The following ATRX variants were observed in gnomAD, a reference collection of about 807,000 sequenced individuals.
ATRX encodes the protein ATRX chromatin remodeler.
ATRX carries 12 observed loss-of-function variants against 172.6 expected under a neutral mutation model. The ratio of observed to expected loss-of-function variants is 0.07; its 90% CI spans 0.04 to 0.11. The LOEUF (loss-of-function observed/expected upper bound fraction) is 0.11, where lower values mean the gene tolerates loss of function less well. Among genes scored for constraint, ATRX ranks in the 10% least tolerant of loss-of-function variants. The pLI is 1.00. For missense variants in ATRX, 1,368 were observed against 1,767.4 expected (o/e 0.77, Z 4.05); for synonymous variants, 674 against 594.7 (o/e 1.13, Z -1.94).
At chrX:77,662,247 G>A (rs1376582856) in intron 12 of ATRX, among the ~76,000 whole-genome samples, 2 of 111,307 alleles carry the variant, frequency 1.8e-5, no homozygotes, top group African/African-American at 6.5e-5. Flanking sequence ...TTACCTATCA[G>A]AATCACTGAG....
chrX:77,582,424 AAAG>A (rs1285250287), intron 27 of ATRX, among the ~76,000 whole-genome samples: 1 of 111,119 alleles, frequency 9.0e-6, no homozygotes, highest in Non-Finnish European at 1.9e-5. Context: ...AAAAAACAAA[AAAG>A]AAGAGAAGAG....
At chrX:77,667,293 ATATG>A (rs1190772653) in intron 10 of ATRX, among the ~76,000 whole-genome samples, 3 of 60,563 alleles carry the variant, frequency 5.0e-5, no homozygotes, top group Admixed American at 2.4e-4. Context: ...GGACGAATAA[ATATG>A]TGTGTGTGTG....
At chrX:77,692,850 T>A (rs1162726659) in intron 6 of ATRX, among the ~76,000 whole-genome samples, 8 of 66,980 alleles carry the variant, frequency 1.2e-4, no homozygotes, top group Admixed American at 5.7e-4. Flanking sequence ...TATTAGAGTG[T>A]GTGTGTGTGT....
At chrX:77,666,879 G>A (rs782490894) in intron 10 of ATRX, among the ~76,000 whole-genome samples, 1 of 111,679 alleles carries the variant, frequency 9.0e-6, no homozygotes, top group South Asian at 3.7e-4. Flanking sequence ...ATTCATGTAT[G>A]TTTATTATAA....
chrX:77,707,034 A>T (rs2072865666), intron 2 of ATRX, among the ~76,000 whole-genome samples: 1 of 113,058 alleles, frequency 8.8e-6, no homozygotes, highest in African/African-American at 3.2e-5. Context: ...AATGGTATTC[A>T]GACTTCAAAA....
intron 34 of ATRX, among the ~76,000 whole-genome samples, chrX:77,512,772 G>A (rs1259152905): frequency 1.8e-5 from 2 of 111,088 alleles, no homozygotes; most frequent in East Asian, 5.6e-4. Flanking sequence ...AGGAGGCTGA[G>A]GCAGGAGAAT....
chrX:77,780,240 C>T (rs1343686398), intron 1 of ATRX, among the ~76,000 whole-genome samples: 4 of 111,663 alleles, frequency 3.6e-5, no homozygotes, highest in African/African-American at 1.3e-4. Context: ...AATAAAGAAA[C>T]TTTATCTCAC....
rs1019978135 is a variant in ATRX at position 77,694,081 on chromosome X, G to A, written c.371-144C>T. On this transcript the variant is annotated intron_variant, in intron 5 of 34. Transcript: ENST00000373344. ...ATATTGGTGTAAGGACCTCACAAAA[G>A]TAAATAAAACAGGGAAATAGTAAAA... 5.7e-5 allele frequency: 27 copies of A among 472,595 alleles called. No homozygotes were observed. The Admixed American group carries it at 9.2e-4, about 16-fold the overall frequency. 38.9% of individuals were successfully genotyped at this position (472,595 alleles called of 1,213,427 possible).
At chrX:77,755,650 T>G (rs2075463955) in intron 1 of ATRX, among the ~76,000 whole-genome samples, 1 of 112,085 alleles carries the variant, frequency 8.9e-6, no homozygotes, top group African/African-American at 3.2e-5. Flanking sequence ...TGCCTGGGTA[T>G]CACCAGCGGA....
intron 1 of ATRX, among the ~76,000 whole-genome samples, chrX:77,758,754 T>C (rs1557191515): frequency 9.4e-6 from 1 of 106,579 alleles, no homozygotes; most frequent in African/African-American, 3.4e-5. Context: ...CGAGATTCCA[T>C]CTCAAAAAAA....
chrX:77,521,030 T>C (rs998066568), intron 33 of ATRX, 114 bp from the exon 34 acceptor site: 1 of 807,620 alleles, frequency 1.2e-6, no homozygotes, highest in Non-Finnish European at 1.8e-6. Context: ...TTTTCCTTTA[T>C]TCTTTTCTGA....
intron 30 of ATRX, among the ~76,000 whole-genome samples, chrX:77,554,197 C>T (rs1027783581): frequency 1.8e-5 from 2 of 110,519 alleles, no homozygotes; most frequent in African/African-American, 6.6e-5. Flanking sequence ...CTCAGCTACT[C>T]GGGAAGCCGA....
At position 77,633,549 on chromosome X, in the gene ATRX, C is replaced by T. The variant is rs2148340645; in HGVS notation, c.4956+17G>A. 1 of 1,195,173 alleles carries T rather than the reference C, an allele frequency of 8.4e-7. No homozygotes were observed. Among genetic ancestry groups the T allele is most frequent in the South Asian group, 1.8e-5 (1 of 55,097 alleles). On this transcript the variant is annotated intron_variant, in intron 18 of 34. Coordinates refer to ENST00000373344, the MANE Select transcript of ATRX (RefSeq NM_000489.6). ...ATGTGACTATTTTAATAATAGAAAA[C>T]ATTTAAAATAAGTTACCTCAAGCTT... is the stretch of plus-strand genomic sequence containing the variant.
At chrX:77,771,143 C>T (rs1445192222) in intron 1 of ATRX, among the ~76,000 whole-genome samples, 2 of 110,954 alleles carry the variant, frequency 1.8e-5, no homozygotes, top group East Asian at 2.8e-4. Context: ...TTTGGGAGGC[C>T]GAGGCTGGCG....
chrX:77,542,872 A>G lies in ATRX; in HGVS notation c.6699+14579T>C, dbSNP rs782586843. 1.5e-4 allele frequency among the ~76,000 whole-genome samples: 17 copies of G among 112,322 alleles called. No homozygotes were observed. In the East Asian group the frequency reaches 3.0e-3, roughly 20 times the overall value. On this transcript the variant is annotated intron_variant, in intron 30 of 34. Coordinates refer to ENST00000373344, the MANE Select transcript of ATRX (RefSeq NM_000489.6). ...CCTAAAACCATAAAAATCCTAGAAG[A>G]AAACCTAGGCAATACCATTCAGGAC...
intron 15 of ATRX, among the ~76,000 whole-genome samples, chrX:77,637,622 T>C (rs1475306010): frequency 1.8e-5 from 2 of 108,629 alleles, no homozygotes; most frequent in African/African-American, 3.4e-5. Context: ...GAAAAAAAAA[T>C]AGAAACTCGT....
chrX:77,730,229 T>C (rs1450879460), intron 1 of ATRX, among the ~76,000 whole-genome samples: 1 of 111,627 alleles, frequency 9.0e-6, no homozygotes, highest in African/African-American at 3.3e-5. Context: ...ACAAAAACTA[T>C]AGGAAAAGCC....
intron 34 of ATRX, among the ~76,000 whole-genome samples, chrX:77,514,166 G>T (rs1345264199): frequency 8.9e-6 from 1 of 112,024 alleles, no homozygotes; most frequent in African/African-American, 3.2e-5. Context: ...CAATATTGTT[G>T]AAATGGTCAT....
chrX:77,527,425 T>G (rs1422595890), intron 30 of ATRX, among the ~76,000 whole-genome samples: 2 of 111,437 alleles, frequency 1.8e-5, no homozygotes, highest in African/African-American at 6.5e-5. Context: ...AGGCAGTGAG[T>G]GATTGTGCAA....
Sources: allele counts gnomAD v4.1 joint callset (sites outside exome capture counted in the v4.1 genomes callset), GRCh38; gene constraint gnomAD v4.1.1; transcripts MANE v1.5; gene names NCBI Gene and HGNC (gene_info 2026-07-23, HGNC 2026-07-21).